Variants in LARGE1 observed in about 807,000 individuals in gnomAD.
LARGE1 encodes the protein xylosyl- and glucuronyltransferase LARGE1.
A neutral mutation model predicts 87.6 loss-of-function variants in LARGE1; 43 were observed. The observed-to-expected ratio is 0.49, with a 90% confidence interval of 0.38 to 0.63. The LOEUF is 0.63. Among genes scored for constraint, LARGE1 ranks in the 30% least tolerant of loss-of-function variants. LARGE1 has a pLI of 0.00. For synonymous variants in LARGE1, 434 were observed against 394.6 expected, an observed-to-expected ratio of 1.10 and a Z score of -1.18; for missense variants, 802 against 1,000.2, an observed-to-expected ratio of 0.80 and a Z score of 2.67.
chr22:33,733,983 A>G (rs1430802841), intron 2 of LARGE1, among the ~76,000 whole-genome samples: 1 of 152,190 alleles, frequency 6.6e-6, no homozygotes, highest in South Asian at 2.1e-4. Context: ...GGAGACTGAG[A>G]TCAAACTGTC....
chr22:33,475,491 C>T (rs1027553973), intron 6 of LARGE1, among the ~76,000 whole-genome samples: 3 of 149,714 alleles, frequency 2.0e-5, no homozygotes, highest in Non-Finnish European at 4.5e-5. Flanking sequence ...GATGGGGTTT[C>T]GCTCTTGTTG....
chr22:33,864,178 C>A (rs1390968199), intron 1 of LARGE1, among the ~76,000 whole-genome samples: 1 of 152,258 alleles, frequency 6.6e-6, no homozygotes, highest in Admixed American at 6.5e-5. Context: ...CCCTTCAGAC[C>A]ACTGATGACC....
At chr22:33,135,468 G>C in the LARGE1 span, among the ~76,000 whole-genome samples, 1 of 152,272 alleles carries the variant, frequency 6.6e-6, no homozygotes, top group Admixed American at 6.5e-5. Context: ...ATTGAAGTTA[G>C]GGGAAAATAA....
At chr22:33,785,018 T>C (rs147428119) in intron 1 of LARGE1, among the ~76,000 whole-genome samples, 3,642 of 149,868 alleles carry the variant, frequency 0.024, 107 homozygotes, top group Non-Finnish European at 0.037. Context: ...TGTGTATACA[T>C]ACATATGTGT....
At chr22:33,691,778 T>C (rs940433838) in intron 2 of LARGE1, among the ~76,000 whole-genome samples, 1 of 152,188 alleles carries the variant, frequency 6.6e-6, no homozygotes, top group Non-Finnish European at 1.5e-5. Context: ...AGGAAGACAA[T>C]GGAAGACCCA....
At chr22:33,095,042 T>C in the LARGE1 span, among the ~76,000 whole-genome samples, 1 of 152,208 alleles carries the variant, frequency 6.6e-6, no homozygotes, top group African/African-American at 2.4e-5. Context: ...TATAGCACTT[T>C]GCATTGCATT....
chr22:33,498,502 A>G (rs7290423), intron 6 of LARGE1, among the ~76,000 whole-genome samples: 102,246 of 151,950 alleles, frequency 0.67, 34,615 homozygotes, highest in African/African-American at 0.75. Context: ...CGGCAGCCGA[A>G]TGTCTTGGAA....
chr22:33,759,620 A>G (rs1014129598), intron 2 of LARGE1, among the ~76,000 whole-genome samples: 1 of 152,228 alleles, frequency 6.6e-6, no homozygotes, highest in Non-Finnish European at 1.5e-5. Context: ...CTGTGATGAC[A>G]GAATCACAGT....
At chr22:33,097,069 T>C in the LARGE1 span, among the ~76,000 whole-genome samples, 5 of 152,318 alleles carry the variant, frequency 3.3e-5, no homozygotes, top group Non-Finnish European at 7.4e-5. Context: ...AGTGTTTAAG[T>C]ACCACCCTTG....
rs747661931 is a variant in LARGE1 at position 33,564,979 on chromosome 22, A to G, written c.656T>C (p.Ile219Thr). The change falls in exon 6 of 15, where the codon ATT becomes ACT. Residue 219 changes from isoleucine (I) to threonine (T), a missense_variant. This residue lies in a region of LARGE1 where 625 missense variants were observed against 841.9 expected (regional missense o/e 0.74). Coordinates refer to ENST00000397394, the MANE Select transcript of LARGE1 (RefSeq NM_133642.5). ...CAGGACAAGCTTCATCAGACCATAA[A>G]TCCCAGAGTAATGTTTATTGGGGAT... ...SWIPNKHYSG[I>T]YGLMKLVLTK... is the part of the protein sequence containing the mutation. 9.9e-6 allele frequency: 16 copies of G among 1,614,082 alleles called. No homozygotes were observed. The highest frequency in any genetic ancestry group is 1.3e-5 in the African/African-American group (1 of 74,938).
the LARGE1 span, among the ~76,000 whole-genome samples, chr22:33,120,358 T>TTTTCTTTCTCTTTC: frequency 4.2e-5 from 5 of 118,686 alleles, no homozygotes; most frequent in African/African-American, 6.9e-5. Flanking sequence ...TTTTCTTTCT[T>TTTTCTTTCTCTTTC]TTTCTTTCTT....
chr22:33,265,104 C>T (rs1167460333), intron 11 of LARGE1, among the ~76,000 whole-genome samples: 1 of 151,584 alleles, frequency 6.6e-6, no homozygotes, highest in East Asian at 2.0e-4. Context: ...GTGATTTCAC[C>T]ATGTTGGTCA....
chr22:33,226,119 T>C (rs1414698424), intron 11 of LARGE1, among the ~76,000 whole-genome samples: 1 of 152,226 alleles, frequency 6.6e-6, no homozygotes, highest in Non-Finnish European at 1.5e-5. Flanking sequence ...TTTTAGTTCT[T>C]TGAGGAATTG....
intron 6 of LARGE1, among the ~76,000 whole-genome samples, chr22:33,467,472 C>T (rs563191815): frequency 1.4e-4 from 22 of 152,276 alleles, no homozygotes; most frequent in African/African-American, 4.6e-4. Flanking sequence ...TTCCTCAAAA[C>T]GACTCAGTTT....
Position 33,337,739 on chromosome 22 carries a change from G to A in LARGE1, c.1194C>T (p.Arg398=), listed in dbSNP as rs1938641191. The change falls in exon 10 of 15, where the codon CGC becomes CGT. Residue 398 remains arginine, a synonymous_variant. Coordinates refer to ENST00000397394, the MANE Select transcript of LARGE1 (RefSeq NM_133642.5). ...RVKNKHVEFF[R]NLYLTFLEYD... ...ACTCCAGGAAGGTCAGGTAGAGGTT[G>A]CGAAAAAACTCCACATGCTTGTTCT... 6.2e-7 allele frequency: 1 copy of A among 1,614,044 alleles called. No homozygotes were observed. The highest frequency in any genetic ancestry group is 1.3e-5 in the African/African-American group (1 of 74,918).
rs574921329 is a variant in LARGE1 at position 33,365,542 on chromosome 22, T to G, written c.1131+16377A>C. ...GTTTTACAGATTTATCATTCAATAT[T>G]AAGAGTTGCTTATATATTTTGTTTA... On this transcript the variant is annotated intron_variant, in intron 9 of 14. Coordinates refer to ENST00000397394, the MANE Select transcript of LARGE1 (RefSeq NM_133642.5). 2.0e-5 allele frequency among the ~76,000 whole-genome samples: 3 copies of G among 152,336 alleles called. No individual in the cohort carries two copies. The South Asian group carries it at 6.2e-4, about 32-fold the overall frequency.
At chr22:33,760,285 G>A (rs2084674209) in intron 2 of LARGE1, among the ~76,000 whole-genome samples, 1 of 152,184 alleles carries the variant, frequency 6.6e-6, no homozygotes, top group Admixed American at 6.5e-5. Flanking sequence ...ACATTGCACT[G>A]TATTTGAAAC....
chr22:33,751,760 C>T (rs995230605), intron 2 of LARGE1, among the ~76,000 whole-genome samples: 3 of 151,356 alleles, frequency 2.0e-5, no homozygotes, highest in Admixed American at 1.3e-4. Flanking sequence ...ACTATATAAA[C>T]GTGCCACTAT....
chr22:33,371,141 A>G (rs2064795046), intron 9 of LARGE1, among the ~76,000 whole-genome samples: 1 of 151,434 alleles, frequency 6.6e-6, no homozygotes, highest in African/African-American at 2.4e-5. Flanking sequence ...CTGTATCTAC[A>G]TAGTAAAATG....
Sources: gnomAD v4.1 joint callset for allele counts (sites outside exome capture counted in the v4.1 genomes callset) on GRCh38, gnomAD v4.1.1 for gene constraint, gnomAD v4.1.1 regional missense constraint, MANE v1.5 for transcripts, NCBI Gene and HGNC (gene_info 2026-07-23, HGNC 2026-07-21) for gene names.